LDLRAD4: variants seen among roughly 807,000 people sequenced by gnomAD.
LDLRAD4 encodes the protein low density lipoprotein receptor class A domain containing 4.
Under a neutral mutation model 17.0 loss-of-function variants are expected in LDLRAD4, and 5 were observed. The observed-to-expected ratio is 0.29, with a 90% CI of 0.15 to 0.62. The LOEUF is 0.62. LDLRAD4 is among the 20% of genes least tolerant of loss of function. LDLRAD4 has a pLI of 0.84. For missense variants in LDLRAD4, 340 were observed against 424.7 expected, an observed-to-expected ratio of 0.80 and a Z score of 1.75; for synonymous variants, 168 against 171.8, an observed-to-expected ratio of 0.98 and a Z score of 0.17.
intron 2 of LDLRAD4, among the ~76,000 whole-genome samples, chr18:13,434,638 C>A (rs905747568): frequency 2.6e-5 from 4 of 152,174 alleles, no homozygotes; most frequent in Non-Finnish European, 5.9e-5. Flanking sequence ...TCTAGTCTGT[C>A]AAAGTGTAGT....
intron 1 of LDLRAD4, among the ~76,000 whole-genome samples, chr18:13,360,118 C>T (rs1302198692): frequency 1.3e-5 from 2 of 152,162 alleles, no homozygotes; most frequent in Non-Finnish European, 2.9e-5. Context: ...GTCTCCTGAG[C>T]GAGGGGCAGG....
At chr18:13,643,464 G>GGGGGGGGGGC in intron 5 of LDLRAD4, 52 bp downstream of exon 6, 1 of 288,990 alleles carries the variant, frequency 3.5e-6, no homozygotes, top group Non-Finnish European at 6.5e-6. Flanking sequence ...GGTGGGTGGG[G>GGGGGGGGGGC]ATGAAGGGGG....
chr18:13,259,774 A>G (rs1345876965), intron 1 of LDLRAD4, among the ~76,000 whole-genome samples: 2 of 136,246 alleles, frequency 1.5e-5, no homozygotes, highest in African/African-American at 5.4e-5. Context: ...ACAGCCACCC[A>G]CGGCTGCTTT....
At chr18:13,368,199 C>T (rs1031246567) in intron 1 of LDLRAD4, among the ~76,000 whole-genome samples, 1 of 152,024 alleles carries the variant, frequency 6.6e-6, no homozygotes, top group Non-Finnish European at 1.5e-5. Flanking sequence ...GTGGCATTGG[C>T]GCACGGTTGG....
chr18:13,282,280 TCCCA>T (rs2045328868), intron 1 of LDLRAD4, among the ~76,000 whole-genome samples: 1 of 152,086 alleles, frequency 6.6e-6, no homozygotes. Flanking sequence ...AATCTTGCCT[TCCCA>T]ATAGTCCCCC....
chr18:13,222,825 A>G (rs1364785695), intron 1 of LDLRAD4, among the ~76,000 whole-genome samples: 2 of 152,230 alleles, frequency 1.3e-5, no homozygotes, highest in Admixed American at 1.3e-4. Context: ...CAGGGAAATC[A>G]GGCACCTAGC....
intron 1 of LDLRAD4, among the ~76,000 whole-genome samples, chr18:13,253,146 G>C (rs973838533): frequency 3.9e-5 from 6 of 152,170 alleles, no homozygotes; most frequent in Non-Finnish European, 8.8e-5. Context: ...GCCTGGTGGT[G>C]GTGGTGGTGG....
chr18:13,232,079 G>A (rs184044242), intron 1 of LDLRAD4, among the ~76,000 whole-genome samples: 1 of 152,222 alleles, frequency 6.6e-6, no homozygotes, highest in Non-Finnish European at 1.5e-5. Flanking sequence ...GTTACATCAA[G>A]GGGACTGAGG....
intron 1 of LDLRAD4, among the ~76,000 whole-genome samples, chr18:13,328,807 G>C (rs1169093308): frequency 6.6e-6 from 1 of 152,050 alleles, no homozygotes; most frequent in Non-Finnish European, 1.5e-5. Context: ...CATCCATCCA[G>C]TTCTCCCACT....
At chr18:13,250,088 A>G (rs1416806915) in intron 1 of LDLRAD4, among the ~76,000 whole-genome samples, 3 of 152,120 alleles carry the variant, frequency 2.0e-5, no homozygotes, top group Admixed American at 6.5e-5. Context: ...GTCCTTAATG[A>G]GTGTTCTTGG....
chr18:13,585,585 T>A lies in LDLRAD4; in HGVS notation c.182-35532T>A, dbSNP rs563627075. ...ATACAGACTTCCTCTTCCAGGAGAT[T>A]ATCTTTTCAAAGCACATTTGGTTTC... On this transcript the variant is annotated intron_variant, in intron 3 of 5. Transcript: ENST00000359446. The A allele has an allele frequency of 2.6e-5, 4 of 152,314 alleles. No individual in the cohort carries two copies. The South Asian group carries it at 8.3e-4, about 32-fold the overall frequency. 9.4% of individuals were successfully genotyped at this position (152,314 alleles called of 1,614,324 possible). A position where few individuals can be genotyped will look rare whatever the true frequency, so the allele number is the denominator to read the frequency against.
chr18:13,612,458 G>C (rs1005667529), intron 3 of LDLRAD4: 64 of 1,289,714 alleles, frequency 5.0e-5, no homozygotes, highest in South Asian at 1.8e-4. Context: ...CACAGTCTGC[G>C]GTCGGAGCCA....
intron 3 of LDLRAD4, among the ~76,000 whole-genome samples, chr18:13,482,592 G>A (rs867774067): frequency 3.9e-5 from 6 of 152,218 alleles, no homozygotes; most frequent in Admixed American, 1.3e-4. Flanking sequence ...TGAGAGGGCC[G>A]GGTCAGAGCT....
chr18:13,530,123 C>T (rs2094105100), intron 3 of LDLRAD4, among the ~76,000 whole-genome samples: 1 of 152,194 alleles, frequency 6.6e-6, no homozygotes, highest in Non-Finnish European at 1.5e-5. Context: ...AATTTGCCCC[C>T]TACCTGTGCT....
intron 3 of LDLRAD4, among the ~76,000 whole-genome samples, chr18:13,479,973 C>A (rs978386263): frequency 6.6e-6 from 1 of 152,136 alleles, no homozygotes; most frequent in Non-Finnish European, 1.5e-5. Flanking sequence ...TCATCTATGG[C>A]GGGGGGCAGC....
chr18:13,628,393 G>A (rs942887412), intron 4 of LDLRAD4, among the ~76,000 whole-genome samples: 1 of 152,210 alleles, frequency 6.6e-6, no homozygotes, highest in Non-Finnish European at 1.5e-5. Context: ...CAGACCAGAT[G>A]TGTGTGTTTG....
intron 3 of LDLRAD4, among the ~76,000 whole-genome samples, chr18:13,610,278 TTTTTTTTTTTTTTTTTTTTTTTTTTTTG>T (rs1401113367): frequency 2.5e-5 from 1 of 39,554 alleles, no homozygotes; most frequent in African/African-American, 1.1e-4. Context: ...TTTTTTTTTT[TTTTTTTTTTTTTTTTTTTTTTTTTTTTG>T]AGACGGAGTC....
At chr18:13,390,284 G>A (rs2145283112) in intron 2 of LDLRAD4, among the ~76,000 whole-genome samples, 1 of 152,326 alleles carries the variant, frequency 6.6e-6, no homozygotes, top group East Asian at 1.9e-4. Context: ...CGCCGTTTTG[G>A]AGCCACAGTG....
chr18:13,317,550 G>A (rs187711049), intron 1 of LDLRAD4, among the ~76,000 whole-genome samples: 2 of 152,274 alleles, frequency 1.3e-5, no homozygotes, highest in East Asian at 3.9e-4. Context: ...ATTAGGATTG[G>A]TAGAACAATG....
Sources: allele counts gnomAD v4.1 joint callset (sites outside exome capture counted in the v4.1 genomes callset), GRCh38; gene constraint gnomAD v4.1.1; transcripts MANE v1.5; gene names NCBI Gene and HGNC (gene_info 2026-07-23, HGNC 2026-07-21).